Variants in COL26A1 observed in about 807,000 individuals in gnomAD.
The protein encoded by COL26A1 is collagen type XXVI alpha 1 chain, also known as collagen alpha-1(XXVI) chain.
In COL26A1, 41 loss-of-function variants were observed where a neutral mutation model predicts 59.3. The observed-to-expected ratio is 0.69, with a 90% CI of 0.54 to 0.90. The LOEUF (loss-of-function observed/expected upper bound fraction) is 0.90. Among genes scored for constraint, COL26A1 ranks in the 40% least tolerant of loss-of-function variants. The pLI, the probability that COL26A1 is intolerant of heterozygous loss-of-function variation, is 0.00. For missense variants in COL26A1, 612 were observed against 602.3 expected, an observed-to-expected ratio of 1.02 and a Z score of -0.17; for synonymous variants, 266 against 256.0, an observed-to-expected ratio of 1.04 and a Z score of -0.37.
intron 1 of COL26A1, among the ~76,000 whole-genome samples, chr7:101,387,770 A>ATTTTTTT (rs1304839639): frequency 1.6e-4 from 6 of 36,526 alleles, no homozygotes; most frequent in African/African-American, 2.3e-4. Flanking sequence ...ATATATATAT[A>ATTTTTTT]TATATATATT....
At chr7:101,507,050 G>A (rs1213198878) in intron 3 of COL26A1, among the ~76,000 whole-genome samples, 1 of 152,056 alleles carries the variant, frequency 6.6e-6, no homozygotes. Flanking sequence ...GAGTAGCTGG[G>A]ACTACAGGTG....
intron 2 of COL26A1, among the ~76,000 whole-genome samples, chr7:101,420,762 G>C (rs1792498815): frequency 7.5e-6 from 1 of 133,320 alleles, no homozygotes; most frequent in Non-Finnish European, 1.6e-5. Flanking sequence ...CCTCTCACCA[G>C]CCCCTCCCTC....
intron 3 of COL26A1, among the ~76,000 whole-genome samples, chr7:101,488,023 A>G (rs1794304746): frequency 6.6e-6 from 1 of 152,076 alleles, no homozygotes; most frequent in Admixed American, 6.6e-5. Context: ...CTATAATCCC[A>G]GGACTTTGGA....
At chr7:101,451,894 A>ATG (rs1381589648) in intron 3 of COL26A1, among the ~76,000 whole-genome samples, 1 of 151,984 alleles carries the variant, frequency 6.6e-6, no homozygotes, top group Non-Finnish European at 1.5e-5. Context: ...TTTAGTAGAG[A>ATG]TGGGGTTTCA....
Position 101,547,201 on chromosome 7 carries a change from C to A in COL26A1, c.902C>A (p.Ala301Glu), listed in dbSNP as rs368589946. ...LASAIVDTVL[A>E]GVPGPRGPPG... is the part of the protein sequence containing the mutation. ...TCTGCCATCGTGGACACAGTGCTGG[C>A]AGGTGTCCCAGGACCCCGGGGTCCC... The change falls in exon 8 of 13, where the codon GCA becomes GAA. Residue 301 changes from alanine to glutamate, a missense_variant. Coordinates refer to ENST00000313669, the MANE Select transcript of COL26A1 (RefSeq NM_001278563.3). The A allele has an allele frequency of 6.3e-6, 10 of 1,595,660 alleles. No homozygotes were observed. The African/African-American group carries it at 1.2e-4, about 19-fold the overall frequency.
intron 2 of COL26A1, among the ~76,000 whole-genome samples, chr7:101,421,663 A>G (rs543039393): frequency 6.6e-6 from 1 of 152,042 alleles, no homozygotes; most frequent in Admixed American, 6.6e-5. Flanking sequence ...AAAAAAAAAA[A>G]AGAAATTGCT....
At chr7:101,380,348 T>C (rs1277382065) in intron 1 of COL26A1, among the ~76,000 whole-genome samples, 1 of 146,590 alleles carries the variant, frequency 6.8e-6, no homozygotes, top group African/African-American at 2.5e-5. Context: ...CAGACTGGAG[T>C]GCAGTGGCGC....
chr7:101,413,170 C>T (rs1046019916), intron 1 of COL26A1, among the ~76,000 whole-genome samples: 1 of 152,094 alleles, frequency 6.6e-6, no homozygotes, highest in Non-Finnish European at 1.5e-5. Flanking sequence ...GGTGGTGGCT[C>T]GGGACGGTTT....
chr7:101,482,727 C>T (rs185419069), intron 3 of COL26A1, among the ~76,000 whole-genome samples: 173 of 152,216 alleles, frequency 1.1e-3, no homozygotes, highest in African/African-American at 1.6e-3. Flanking sequence ...GAGGCCGAGG[C>T]GGGTGGATTA....
At chr7:101,454,382 C>G (rs55864413) in intron 3 of COL26A1, among the ~76,000 whole-genome samples, 2,144 of 151,438 alleles carry the variant, frequency 0.014, 58 homozygotes, top group African/African-American at 0.05. Context: ...CCTCAGCCTT[C>G]CAAGTAGCTG....
chr7:101,447,828 G>A, intron 3 of COL26A1, 41 bp downstream of exon 3: 1 of 1,309,092 alleles, frequency 7.6e-7, no homozygotes, highest in Non-Finnish European at 1.1e-6. Context: ...GCCAGGCGTG[G>A]GCCAGGCTGG....
intron 3 of COL26A1, among the ~76,000 whole-genome samples, chr7:101,490,674 C>A (rs6969251): frequency 1.3e-5 from 2 of 151,124 alleles, no homozygotes; most frequent in Non-Finnish European, 1.5e-5. Flanking sequence ...GCACTCCAGC[C>A]TGGGTAACAC....
rs11769602 is a variant in COL26A1, at chr7:101,558,203, C to G, written c.*673C>G. ...TTCCCTTCCTCATCCCCCTTCCCCA[C>G]TGGCTGGGGGAGCAGCCTGGACTGC... On this transcript the variant is annotated 3_prime_UTR_variant, in exon 13 of 13. Coordinates refer to ENST00000313669, the MANE Select transcript of COL26A1 (RefSeq NM_001278563.3). 0.18 allele frequency: 27,029 copies of G among 152,452 alleles called. 2,592 individuals carry two copies. The highest frequency in any genetic ancestry group is 0.25 in the Middle Eastern group (74 of 294). The allele number at this position is 152,452 out of a possible 1,614,324, so 9.4% of individuals were successfully genotyped here.
Position 101,511,004 on chromosome 7 carries a change from G to A in COL26A1, c.386-22078G>A, listed in dbSNP as rs112400975. Among the ~76,000 whole-genome samples, 529 of 149,652 alleles carry A rather than the reference G, an allele frequency of 3.5e-3. 1 individual carries two copies. Among genetic ancestry groups the A allele is most frequent in the Non-Finnish European group, 5.9e-3 (398 of 67,674 alleles). On this transcript the variant is annotated intron_variant, in intron 3 of 12. Transcript: ENST00000313669. Reference sequence around the variant, plus strand: ...CAAGCTCCACCTCCCAGGTTCACGCGATTCTCCTGCCTCAGCCTCCCGAGT... The same window carrying A: ...CAAGCTCCACCTCCCAGGTTCACGCAATTCTCCTGCCTCAGCCTCCCGAGT...
At chr7:101,520,627 G>GACACACAC (rs1250474937) in intron 3 of COL26A1, among the ~76,000 whole-genome samples, 1,022 of 88,984 alleles carry the variant, frequency 0.011, 7 homozygotes, top group Non-Finnish European at 0.015. Flanking sequence ...GACAAGCACA[G>GACACACAC]ACACATACAC....
At chr7:101,455,489 G>A (rs28480660) in intron 3 of COL26A1, among the ~76,000 whole-genome samples, 1 of 139,138 alleles carries the variant, frequency 7.2e-6, no homozygotes, top group Non-Finnish European at 1.5e-5. Flanking sequence ...TGTTTGGTAA[G>A]TTTCTTTTCT....
chr7:101,436,084 G>T (rs1473481763), intron 2 of COL26A1, among the ~76,000 whole-genome samples: 2 of 152,188 alleles, frequency 1.3e-5, no homozygotes, highest in Admixed American at 6.5e-5. Flanking sequence ...AGCAGTGGGG[G>T]CCTGTCTGGG....
At chr7:101,412,827 C>T (rs1792274587) in intron 1 of COL26A1, among the ~76,000 whole-genome samples, 1 of 152,030 alleles carries the variant, frequency 6.6e-6, no homozygotes, top group Non-Finnish European at 1.5e-5. Flanking sequence ...TGAATTCTTT[C>T]CTGGGGGAAA....
intron 1 of COL26A1, among the ~76,000 whole-genome samples, chr7:101,388,706 G>A (rs917908258): frequency 6.6e-6 from 1 of 151,870 alleles, no homozygotes; most frequent in East Asian, 2.0e-4. Flanking sequence ...TGGGACTAGG[G>A]GCACAGCCAC....
Sources: allele counts gnomAD v4.1 joint callset (sites outside exome capture counted in the v4.1 genomes callset), GRCh38; gene constraint gnomAD v4.1.1; transcripts MANE v1.5; gene names NCBI Gene and HGNC (gene_info 2026-07-23, HGNC 2026-07-21).